Variants in COMMD10 observed in about 807,000 individuals in gnomAD.
COMMD10 encodes the protein COMM domain-containing protein 10.
Under a neutral mutation model 28.9 loss-of-function variants are expected in COMMD10, and 33 were observed. That is an observed-to-expected ratio of 1.14 (90% CI 0.87 to 1.53). The LOEUF (loss-of-function observed/expected upper bound fraction) is 1.53. Ranked by LOEUF, COMMD10 falls within the 40% of genes most tolerant of loss-of-function variation. The pLI is 0.00. For missense variants in COMMD10, 310 were observed against 233.4 expected (o/e 1.33, Z -2.14); for synonymous variants, 110 against 81.7 (o/e 1.35, Z -1.87).
chr5:116,195,411 A>G (rs574323735), intron 5 of COMMD10, among the ~76,000 whole-genome samples: 4 of 152,254 alleles, frequency 2.6e-5, no homozygotes, highest in Admixed American at 2.0e-4. Context: ...TGAAAACCCT[A>G]AGGACTCCTC....
chr5:116,229,981 G>T (rs140547719), intron 5 of COMMD10, among the ~76,000 whole-genome samples: 430 of 151,524 alleles, frequency 2.8e-3, no homozygotes, highest in East Asian at 7.9e-3. Flanking sequence ...AAAAAATCAA[G>T]ACTAGCTTAC....
At chr5:116,244,410 G>GT (rs1039839351) in intron 5 of COMMD10, among the ~76,000 whole-genome samples, 8 of 151,768 alleles carry the variant, frequency 5.3e-5, no homozygotes, top group African/African-American at 1.9e-4. Context: ...AATCTATGAG[G>GT]TACCAACATC....
chr5:116,192,189 G>A (rs766942619), intron 5 of COMMD10, among the ~76,000 whole-genome samples: 49 of 152,040 alleles, frequency 3.2e-4, no homozygotes, highest in Admixed American at 1.6e-3. Context: ...CCTTCCCTCT[G>A]ACAGAGCCTA....
intron 5 of COMMD10, among the ~76,000 whole-genome samples, chr5:116,159,990 T>C (rs1270751679): frequency 1.3e-5 from 2 of 152,184 alleles, no homozygotes; most frequent in African/African-American, 2.4e-5. Context: ...ATGGAATAGT[T>C]ATGGACCAGG....
intron 5 of COMMD10, among the ~76,000 whole-genome samples, chr5:116,139,583 C>T (rs1752131343): frequency 7.5e-6 from 1 of 134,174 alleles, no homozygotes; most frequent in Admixed American, 7.1e-5. Flanking sequence ...GTGAGTTCGT[C>T]TGCATTTTCC....
At chr5:116,216,100 A>G (rs118182340) in intron 5 of COMMD10, among the ~76,000 whole-genome samples, 4 of 152,274 alleles carry the variant, frequency 2.6e-5, no homozygotes, top group East Asian at 3.9e-4. Context: ...ATTTTCTCCA[A>G]TTAGACAGAT....
chr5:116,111,587 C>G (rs994797661), intron 4 of COMMD10, among the ~76,000 whole-genome samples: 1 of 151,916 alleles, frequency 6.6e-6, no homozygotes, highest in Non-Finnish European at 1.5e-5. Flanking sequence ...CAGAGTTTTT[C>G]TTGATATTGA....
intron 4 of COMMD10, among the ~76,000 whole-genome samples, chr5:116,118,615 G>A (rs762036326): frequency 1.5e-4 from 23 of 152,098 alleles, no homozygotes; most frequent in Non-Finnish European, 2.8e-4. Flanking sequence ...TGTACTTCAA[G>A]CCTTTTTGTG....
At chr5:116,132,260 G>A (rs567610400) in intron 4 of COMMD10, among the ~76,000 whole-genome samples, 64 of 152,216 alleles carry the variant, frequency 4.2e-4, no homozygotes, top group African/African-American at 1.5e-3. Context: ...AAATCCTTTA[G>A]GTGTGCATGT....
At chr5:116,221,744 A>G (rs1379270608) in intron 5 of COMMD10, among the ~76,000 whole-genome samples, 1 of 152,174 alleles carries the variant, frequency 6.6e-6, no homozygotes, top group Non-Finnish European at 1.5e-5. Context: ...GTTTTTCAAC[A>G]TTATGCTTTA....
chr5:116,167,276 A>G (rs1011818053), intron 5 of COMMD10, among the ~76,000 whole-genome samples: 1 of 151,962 alleles, frequency 6.6e-6, no homozygotes, highest in Non-Finnish European at 1.5e-5. Flanking sequence ...GAAGTAAAGC[A>G]TGAAGGCAAG....
At chr5:116,119,186 T>C (rs1032994712) in intron 4 of COMMD10, among the ~76,000 whole-genome samples, 4 of 152,168 alleles carry the variant, frequency 2.6e-5, no homozygotes, top group Admixed American at 6.5e-5. Flanking sequence ...AGTCTTATGA[T>C]TTGGTACTTT....
chr5:116,282,932 A>C (rs1226374523), intron 5 of COMMD10, among the ~76,000 whole-genome samples: 3 of 151,948 alleles, frequency 2.0e-5, no homozygotes, highest in Non-Finnish European at 4.4e-5. Context: ...CTCATAGTTG[A>C]TAGACGAGGA....
chr5:116,192,229 T>A (rs1748389074), intron 5 of COMMD10, among the ~76,000 whole-genome samples: 1 of 148,642 alleles, frequency 6.7e-6, no homozygotes, highest in Non-Finnish European at 1.5e-5. Flanking sequence ...AAAAACCAAC[T>A]CTGGTAATAT....
chr5:116,281,238 A>G (rs775580099), intron 5 of COMMD10, among the ~76,000 whole-genome samples: 10 of 151,670 alleles, frequency 6.6e-5, no homozygotes, highest in Non-Finnish European at 1.0e-4. Flanking sequence ...CTAATTCCTA[A>G]CTAATGGGAA....
intron 5 of COMMD10, among the ~76,000 whole-genome samples, chr5:116,157,491 G>T (rs1199932942): frequency 6.6e-6 from 1 of 152,152 alleles, no homozygotes; most frequent in African/African-American, 2.4e-5. Flanking sequence ...TCATTTAGCA[G>T]GTTACCCTGG....
At chr5:116,155,469 TAA>T (rs1171863375) in intron 5 of COMMD10, among the ~76,000 whole-genome samples, 1 of 152,060 alleles carries the variant, frequency 6.6e-6, no homozygotes, top group African/African-American at 2.4e-5. Context: ...TTAGGGGAGA[TAA>T]AAGATTCTTA....
At chr5:116,113,314 G>T in intron 4 of COMMD10, among the ~76,000 whole-genome samples, 1 of 151,760 alleles carries the variant, frequency 6.6e-6, no homozygotes, top group Non-Finnish European at 1.5e-5. Flanking sequence ...GTATTTGCCT[G>T]CAGATCATGG....
chr5:116,093,196 G>A (rs1020037179), intron 4 of COMMD10, among the ~76,000 whole-genome samples: 2 of 152,152 alleles, frequency 1.3e-5, no homozygotes, highest in African/African-American at 2.4e-5. Flanking sequence ...TAGTGGTGTG[G>A]TACATAAGAT....
Sources: allele counts gnomAD v4.1 joint callset (sites outside exome capture counted in the v4.1 genomes callset), GRCh38; gene constraint gnomAD v4.1.1; transcripts MANE v1.5; gene names NCBI Gene and HGNC (gene_info 2026-07-23, HGNC 2026-07-21).